Variants in SH3KBP1 observed in about 807,000 individuals in gnomAD.
SH3KBP1 encodes the protein SH3 domain-containing kinase-binding protein 1.
SH3KBP1 carries 8 observed loss-of-function variants against 50.1 expected under a neutral mutation model. The ratio of observed to expected loss-of-function variants is 0.16; its 90% CI spans 0.09 to 0.29. The LOEUF is 0.29. Ranked by LOEUF, SH3KBP1 falls within the 10% of genes least tolerant of loss-of-function variation. The pLI is 1.00. For synonymous variants in SH3KBP1, 227 were observed against 218.6 expected (o/e 1.04, Z -0.34); for missense variants, 377 against 535.2 (o/e 0.70, Z 2.92).
At chrX:19,727,573 C>T (rs1196874663) in intron 3 of SH3KBP1, among the ~76,000 whole-genome samples, 1 of 112,834 alleles carries the variant, frequency 8.9e-6, no homozygotes, top group African/African-American at 3.2e-5. Flanking sequence ...CACCTTTTGC[C>T]TATTGCGAAT....
chrX:19,623,405 G>A (rs1218579863), intron 8 of SH3KBP1, among the ~76,000 whole-genome samples: 2 of 111,994 alleles, frequency 1.8e-5, no homozygotes, highest in East Asian at 2.8e-4. Flanking sequence ...GTGTATCCCC[G>A]CCAGGCGTGG....
chrX:19,683,298 C>T (rs749776893), intron 6 of SH3KBP1: 1 of 367,767 alleles, frequency 2.7e-6, no homozygotes, highest in South Asian at 2.4e-5. Flanking sequence ...CCCAGGGAGT[C>T]ACAGCACAGG....
At chrX:19,626,283 G>T (rs1425629552) in intron 8 of SH3KBP1, among the ~76,000 whole-genome samples, 1 of 111,180 alleles carries the variant, frequency 9.0e-6, no homozygotes, top group Non-Finnish European at 1.9e-5. Context: ...AATACTTGGG[G>T]TCCCTACAAA....
chrX:19,574,745 T>G (rs781551073), intron 12 of SH3KBP1, among the ~76,000 whole-genome samples: 2 of 112,582 alleles, frequency 1.8e-5, no homozygotes, highest in African/African-American at 3.2e-5. Context: ...GACCACAGAC[T>G]TGAGTATAGT....
At chrX:19,649,769 T>G (rs2062080116) in intron 6 of SH3KBP1, among the ~76,000 whole-genome samples, 1 of 111,721 alleles carries the variant, frequency 9.0e-6, no homozygotes, top group Non-Finnish European at 1.9e-5. Context: ...TTTCAGTTAG[T>G]GGAGCAACTA....
intron 1 of SH3KBP1, among the ~76,000 whole-genome samples, chrX:19,883,363 T>C (rs776955887): frequency 3.5e-5 from 4 of 112,824 alleles, no homozygotes; most frequent in East Asian, 2.8e-4. Flanking sequence ...ACTGACTTCA[T>C]GGTTCTCAGC....
At chrX:19,634,350 T>C (rs1361422881) in intron 7 of SH3KBP1, among the ~76,000 whole-genome samples, 1 of 111,115 alleles carries the variant, frequency 9.0e-6, no homozygotes, top group South Asian at 3.8e-4. Context: ...AGTGATAATT[T>C]GATGAGTTTT....
intron 2 of SH3KBP1, among the ~76,000 whole-genome samples, chrX:19,758,016 G>A (rs1469842415): frequency 9.1e-6 from 1 of 110,163 alleles, no homozygotes; most frequent in Non-Finnish European, 1.9e-5. Context: ...TTTTTTTTCA[G>A]TCATGTGATA....
In SH3KBP1 at chrX:19,857,528, G is replaced by T. The variant is rs762107989; in HGVS notation, c.5-21246C>A. ...GCTTGAGGTCAGGAGTTTGAGACCA[G>T]CGTGGCCAAGATGGTGAAACCCCAT... On this transcript the variant is annotated intron_variant, in intron 1 of 17. Coordinates refer to ENST00000397821, the MANE Select transcript of SH3KBP1 (RefSeq NM_031892.3). 6.0e-4 allele frequency among the ~76,000 whole-genome samples: 66 copies of T among 110,370 alleles called. No homozygotes were observed. In the Admixed American group the frequency reaches 6.4e-3, roughly 11 times the overall value.
chrX:19,567,711 T>C (rs2065894367), intron 13 of SH3KBP1, among the ~76,000 whole-genome samples: 1 of 105,688 alleles, frequency 9.5e-6, no homozygotes, highest in Non-Finnish European at 1.9e-5. Flanking sequence ...GGGGAGAAAC[T>C]GAGTAAAGGG....
At chrX:19,706,191 T>C (rs755361308) in intron 4 of SH3KBP1, among the ~76,000 whole-genome samples, 21 of 111,595 alleles carry the variant, frequency 1.9e-4, no homozygotes, top group Non-Finnish European at 3.6e-4. Context: ...TTTCTAGATA[T>C]AGATACAACT....
chrX:19,540,938 G>A (rs62589433), intron 16 of SH3KBP1, among the ~76,000 whole-genome samples: 5 of 108,933 alleles, frequency 4.6e-5, no homozygotes, highest in Middle Eastern at 4.8e-3. Context: ...TTTTTTAGAC[G>A]GAGTCTCGCT....
intron 11 of SH3KBP1, among the ~76,000 whole-genome samples, chrX:19,591,586 T>C (rs2066751199): frequency 8.9e-6 from 1 of 111,926 alleles, no homozygotes; most frequent in South Asian, 3.8e-4. Context: ...GTAATAACGT[T>C]ACCCAGAGTC....
chrX:19,850,764 C>T (rs181979328), intron 1 of SH3KBP1, among the ~76,000 whole-genome samples: 103 of 110,979 alleles, frequency 9.3e-4, no homozygotes, highest in Non-Finnish European at 1.7e-3. Flanking sequence ...AGAACTGGCC[C>T]TTTCGTCAGG....
At chrX:19,824,175 T>C (rs945489734) in intron 2 of SH3KBP1, among the ~76,000 whole-genome samples, 1 of 112,288 alleles carries the variant, frequency 8.9e-6, no homozygotes, top group Non-Finnish European at 1.9e-5. Context: ...AGCACTATGT[T>C]CTTTGTGTAT....
At chrX:19,734,864 C>T (rs949826587) in intron 3 of SH3KBP1, among the ~76,000 whole-genome samples, 6 of 112,358 alleles carry the variant, frequency 5.3e-5, no homozygotes, top group African/African-American at 9.7e-5. Flanking sequence ...TTCCTTCTTA[C>T]GATACTCCAT....
At chrX:19,596,737 T>A (rs1404742913) in intron 9 of SH3KBP1, among the ~76,000 whole-genome samples, 1 of 111,959 alleles carries the variant, frequency 8.9e-6, no homozygotes, top group Admixed American at 9.5e-5. Context: ...TCACCAGGAG[T>A]AGATTCCATC....
intron 12 of SH3KBP1, among the ~76,000 whole-genome samples, chrX:19,578,976 G>A (rs899841725): frequency 1.8e-5 from 2 of 111,495 alleles, no homozygotes; most frequent in Admixed American, 1.9e-4. Flanking sequence ...AGCCAAAAAT[G>A]TCCCAGGAAT....
At chrX:19,564,577 C>A (rs1344665878) in intron 13 of SH3KBP1, among the ~76,000 whole-genome samples, 1 of 110,085 alleles carries the variant, frequency 9.1e-6, no homozygotes, top group Non-Finnish European at 1.9e-5. Context: ...TCTCCCCCCC[C>A]TTCCTCTTTC....
Sources: allele counts gnomAD v4.1 joint callset (sites outside exome capture counted in the v4.1 genomes callset), GRCh38; gene constraint gnomAD v4.1.1; transcripts MANE v1.5; gene names NCBI Gene and HGNC (gene_info 2026-07-23, HGNC 2026-07-21).